CDK14: variants seen among roughly 807,000 people sequenced by gnomAD.
CDK14 encodes cyclin-dependent kinase 14.
A neutral mutation model predicts 60.7 loss-of-function variants in CDK14; 34 were observed. That is an observed-to-expected ratio of 0.56 (90% CI 0.43 to 0.75). CDK14 has a LOEUF of 0.75. Ranked by LOEUF, CDK14 falls within the 30% of genes least tolerant of loss-of-function variation. CDK14 has a pLI of 0.00. For synonymous variants in CDK14, 197 were observed against 203.7 expected (o/e 0.97, Z 0.28); for missense variants, 482 against 564.1 (o/e 0.85, Z 1.47).
chr7:90,901,754 T>G (rs1792513632), intron 7 of CDK14, among the ~76,000 whole-genome samples: 1 of 151,836 alleles, frequency 6.6e-6, no homozygotes, highest in South Asian at 2.1e-4. Context: ...ATACTGAGAA[T>G]TTTAGCCAGA....
intron 7 of CDK14, among the ~76,000 whole-genome samples, chr7:90,916,468 G>C (rs1369287693): frequency 6.6e-6 from 1 of 152,154 alleles, no homozygotes; most frequent in Admixed American, 6.5e-5. Context: ...GGTATCCCCT[G>C]TAATGAAATT....
intron 3 of CDK14, among the ~76,000 whole-genome samples, chr7:90,746,460 C>T (rs1416567577): frequency 6.6e-6 from 1 of 152,024 alleles, no homozygotes; most frequent in African/African-American, 2.4e-5. Context: ...TTCTAAACTT[C>T]TGAAGTTGGT....
chr7:90,689,748 C>T (rs1020162875), intron 2 of CDK14, among the ~76,000 whole-genome samples: 61 of 151,922 alleles, frequency 4.0e-4, no homozygotes, highest in African/African-American at 1.5e-3. Flanking sequence ...TCCATAATTC[C>T]AGGGAATTTT....
chr7:90,663,220 A>G (rs539494237), intron 2 of CDK14, among the ~76,000 whole-genome samples: 1 of 152,064 alleles, frequency 6.6e-6, no homozygotes, highest in Non-Finnish European at 1.5e-5. Context: ...ATTACACTTC[A>G]CTTCATGTGT....
At chr7:91,204,914 C>T (rs1323191210) in intron 14 of CDK14, among the ~76,000 whole-genome samples, 1 of 151,324 alleles carries the variant, frequency 6.6e-6, no homozygotes, top group Non-Finnish European at 1.5e-5. Flanking sequence ...CATCACTGCA[C>T]TCCAGCTTGG....
intron 7 of CDK14, among the ~76,000 whole-genome samples, chr7:90,905,186 A>G (rs909878024): frequency 6.6e-6 from 1 of 152,202 alleles, no homozygotes; most frequent in Non-Finnish European, 1.5e-5. Flanking sequence ...ACAATTGTGC[A>G]TCAGGCTGGG....
chr7:91,097,519 A>G (rs1361983565), intron 12 of CDK14, among the ~76,000 whole-genome samples: 3 of 152,188 alleles, frequency 2.0e-5, no homozygotes, highest in Non-Finnish European at 4.4e-5. Context: ...TTACACACTA[A>G]TAAGATTTTT....
intron 2 of CDK14, among the ~76,000 whole-genome samples, chr7:90,641,340 C>T (rs1800325229): frequency 6.6e-6 from 1 of 152,034 alleles, no homozygotes; most frequent in South Asian, 2.1e-4. Context: ...GACAGAGCAG[C>T]ATTGTTCATA....
At chr7:90,755,840 A>C (rs1804033426) in intron 4 of CDK14, among the ~76,000 whole-genome samples, 1 of 152,172 alleles carries the variant, frequency 6.6e-6, no homozygotes, top group Non-Finnish European at 1.5e-5. Context: ...TACCATATAA[A>C]AATTACTTGT....
intron 4 of CDK14, among the ~76,000 whole-genome samples, chr7:90,767,568 A>C (rs548247599): frequency 2.0e-5 from 3 of 152,158 alleles, no homozygotes; most frequent in African/African-American, 7.2e-5. Flanking sequence ...AGATAGATTT[A>C]TTTTGGACAA....
At chr7:90,763,022 A>G (rs1338032372) in intron 4 of CDK14, among the ~76,000 whole-genome samples, 2 of 152,192 alleles carry the variant, frequency 1.3e-5, no homozygotes, top group Admixed American at 6.5e-5. Flanking sequence ...TTTCAGACAA[A>G]GCAAGTACTT....
At chr7:90,794,582 G>T (rs1459372815) in intron 5 of CDK14, among the ~76,000 whole-genome samples, 3 of 152,290 alleles carry the variant, frequency 2.0e-5, no homozygotes, top group South Asian at 4.1e-4. Context: ...GAGCAATATG[G>T]CTCTGTTCTG....
intron 10 of CDK14, among the ~76,000 whole-genome samples, chr7:90,985,728 A>G (rs911534304): frequency 4.6e-5 from 7 of 152,174 alleles, no homozygotes; most frequent in Non-Finnish European, 8.8e-5. Flanking sequence ...TCCTCTATGC[A>G]GTAGCCTATA....
chr7:91,095,555 A>C (rs1798958910), intron 12 of CDK14, among the ~76,000 whole-genome samples: 2 of 152,194 alleles, frequency 1.3e-5, no homozygotes, highest in African/African-American at 2.4e-5. Context: ...TTGTAGTTTA[A>C]AATTTTTAAA....
intron 2 of CDK14, among the ~76,000 whole-genome samples, chr7:90,674,890 C>T (rs988208034): frequency 4.6e-5 from 7 of 152,234 alleles, no homozygotes; most frequent in Non-Finnish European, 8.8e-5. Context: ...CACCACACCC[C>T]AAACTGAAGG....
At chr7:90,730,797 G>A (rs748486007) in intron 3 of CDK14, among the ~76,000 whole-genome samples, 8 of 152,122 alleles carry the variant, frequency 5.3e-5, no homozygotes, top group Non-Finnish European at 1.2e-4. Flanking sequence ...CTCCCATTCT[G>A]GAGTTTGCCT....
chr7:91,008,504 T>A (rs1028606342), intron 10 of CDK14, among the ~76,000 whole-genome samples: 2 of 152,194 alleles, frequency 1.3e-5, no homozygotes, highest in African/African-American at 4.8e-5. Flanking sequence ...CTTCCCTCCC[T>A]CCCTTCTTGT....
chr7:90,806,756 G>T (rs778774231), intron 5 of CDK14, among the ~76,000 whole-genome samples: 1 of 152,232 alleles, frequency 6.6e-6, no homozygotes, highest in Non-Finnish European at 1.5e-5. Context: ...GGAAAATCAG[G>T]TCACTCCCAC....
chr7:91,187,241 C>T (rs1802218616), intron 14 of CDK14, among the ~76,000 whole-genome samples: 1 of 152,136 alleles, frequency 6.6e-6, no homozygotes, highest in African/African-American at 2.4e-5. Context: ...TTTCGTATTG[C>T]AGTCAAGACC....
Sources: allele counts gnomAD v4.1 joint callset (sites outside exome capture counted in the v4.1 genomes callset), GRCh38; gene constraint gnomAD v4.1.1; transcripts MANE v1.5; gene names NCBI Gene and HGNC (gene_info 2026-07-23, HGNC 2026-07-21).